SAMD3: variants seen among roughly 807,000 people sequenced by gnomAD.
SAMD3 encodes sterile alpha motif domain containing 3.
Under a neutral mutation model 58.5 loss-of-function variants are expected in SAMD3, and 63 were observed. The ratio of observed to expected loss-of-function variants is 1.08; its 90% CI spans 0.88 to 1.33. SAMD3 has a LOEUF of 1.33. SAMD3 is among the 40% of genes most tolerant of loss of function. The pLI, the probability that SAMD3 is intolerant of heterozygous loss-of-function variation, is 0.00. For missense variants in SAMD3, 604 were observed against 608.4 expected (o/e 0.99, Z 0.08); for synonymous variants, 220 against 210.3 (o/e 1.05, Z -0.40).
At chr6:130,154,445 G>A (rs1325059394) in intron 9 of SAMD3, among the ~76,000 whole-genome samples, 1 of 151,682 alleles carries the variant, frequency 6.6e-6, no homozygotes, top group African/African-American at 2.4e-5. Flanking sequence ...TGTAATCCCA[G>A]CACTTTGAGA....
At chr6:130,171,590 C>A (rs9492473) in intron 8 of SAMD3, among the ~76,000 whole-genome samples, 2 of 152,026 alleles carry the variant, frequency 1.3e-5, no homozygotes, top group African/African-American at 4.8e-5. Context: ...TTATGATTTC[C>A]ATTCTTTTAC....
chr6:130,183,533 C>T (rs578008128), intron 7 of SAMD3: 14 of 393,950 alleles, frequency 3.6e-5, no homozygotes, highest in South Asian at 2.4e-4. Flanking sequence ...CAGGTGCAGC[C>T]ATGTCTTTCT....
intron 2 of SAMD3, among the ~76,000 whole-genome samples, chr6:130,311,388 C>T (rs1776153578): frequency 6.6e-6 from 1 of 152,160 alleles, no homozygotes; most frequent in Admixed American, 6.5e-5. Flanking sequence ...TTCCTCCAGC[C>T]TACTGCTCCC....
chr6:130,358,708 G>A (rs146241228), intron 1 of SAMD3, among the ~76,000 whole-genome samples: 2,917 of 148,772 alleles, frequency 0.02, 91 homozygotes, highest in African/African-American at 0.068. Flanking sequence ...ATATTTTTGT[G>A]TATATCCCAC....
intron 2 of SAMD3, among the ~76,000 whole-genome samples, chr6:130,299,673 T>A (rs929066179): frequency 4.6e-5 from 7 of 152,024 alleles, no homozygotes; most frequent in African/African-American, 1.7e-4. Context: ...AAACAAGAAG[T>A]TGGTTTTTTG....
In SAMD3 at chr6:130,187,376, T is replaced by G. The variant is rs537038773; in HGVS notation, c.384-2753A>C. On this transcript the variant is annotated intron_variant, in intron 5 of 11. Transcript: ENST00000439090. ...TATTATTTCTATCAAACATCCACAATGTAGCTAGACATATAAAGGATCCAA... is the reference window on the plus strand; with the variant it reads ...TATTATTTCTATCAAACATCCACAAGGTAGCTAGACATATAAAGGATCCAA... 1.4e-3 allele frequency among the ~76,000 whole-genome samples: 215 copies of G among 152,208 alleles called. 2 individuals are homozygous for G. Among genetic ancestry groups the G allele is most frequent in the East Asian group, 2.1e-3 (11 of 5,176 alleles).
chr6:130,356,801 T>C (rs1276508257), intron 1 of SAMD3, among the ~76,000 whole-genome samples: 1 of 152,202 alleles, frequency 6.6e-6, no homozygotes, highest in Admixed American at 6.5e-5. Context: ...CCCATTTCTA[T>C]GAAGAAGTCA....
intron 8 of SAMD3, chr6:130,161,614 A>G (rs1790288871): frequency 6.6e-6 from 1 of 152,206 alleles, no homozygotes; most frequent in African/African-American, 2.4e-5. Flanking sequence ...ACATATTGTT[A>G]GATTTATATA....
intron 1 of SAMD3, among the ~76,000 whole-genome samples, chr6:130,358,753 ACACACAC>A (rs1777905000): frequency 6.6e-6 from 1 of 150,728 alleles, no homozygotes; most frequent in African/African-American, 2.5e-5. Flanking sequence ...ACACACACAC[ACACACAC>A]ATTTTAACAA....
chr6:130,209,609 C>T lies in SAMD3; in HGVS notation c.270-1G>A, dbSNP rs1466722149. ...ACTGGAGGACTCTTCATCCCTGTAA[C>T]TAAGAAAGAAGAGGTGGGTCAGGCA... On this transcript the variant is annotated splice_acceptor_variant, in intron 4 of 11. Coordinates refer to ENST00000439090, the MANE Select transcript of SAMD3 (RefSeq NM_001017373.4). LOFTEE classifies it high-confidence loss of function. 2 of 1,596,932 alleles carry T rather than the reference C, an allele frequency of 1.3e-6. No individual in the cohort carries two copies.
rs149112484 is a variant in SAMD3 at position 130,320,409 on chromosome 6, T to A, written c.-303-7316A>T. Among the ~76,000 whole-genome samples, 56 of 152,290 alleles carry A rather than the reference T, an allele frequency of 3.7e-4. 1 individual carries two copies. Among genetic ancestry groups the A allele is most frequent in the Middle Eastern group, 3.4e-3 (1 of 294 alleles). On this transcript the variant is annotated intron_variant, in intron 1 of 13. Transcript: ENST00000368134. ...TTAAAAATCAAATGTTGGGGGAGAATGTGGAGCAACTGGAATTCTCACACA... is the reference window on the plus strand; with the variant it reads ...TTAAAAATCAAATGTTGGGGGAGAAAGTGGAGCAACTGGAATTCTCACACA...
chr6:130,251,255 G>A (rs1380548041), intron 2 of SAMD3, among the ~76,000 whole-genome samples: 1 of 152,078 alleles, frequency 6.6e-6, no homozygotes, highest in African/African-American at 2.4e-5. Context: ...TAAACTCTTT[G>A]CCCTTTTAAA....
chr6:130,275,375 C>T (rs1005437176), intron 2 of SAMD3, among the ~76,000 whole-genome samples: 3 of 152,172 alleles, frequency 2.0e-5, no homozygotes, highest in Non-Finnish European at 2.9e-5. Context: ...ACCTTTTTAC[C>T]TTGTCAGCTC....
rs75826199 is a variant in SAMD3, at chr6:130,242,853, G to A, written c.-187-20040C>T. 4.0e-3 allele frequency among the ~76,000 whole-genome samples: 609 copies of A among 152,282 alleles called. 5 individuals are homozygous for A. The highest frequency in any genetic ancestry group is 0.013 in the African/African-American group (553 of 41,548). ...CACAGTTAGCTCTGGTGGCTGAGCC[G>A]GCATCCCTTTGATAGCTGGAGTCAG... On this transcript the variant is annotated intron_variant, in intron 2 of 13. Coordinates refer to the SAMD3 transcript ENST00000368134.
chr6:130,282,908 A>T (rs1005371546), intron 2 of SAMD3, among the ~76,000 whole-genome samples: 2 of 152,206 alleles, frequency 1.3e-5, no homozygotes, highest in African/African-American at 2.4e-5. Flanking sequence ...CCCTCAACAG[A>T]TGCTATTCAG....
At chr6:130,327,840 G>A (rs1355805) in intron 1 of SAMD3, among the ~76,000 whole-genome samples, 8 of 152,172 alleles carry the variant, frequency 5.3e-5, no homozygotes, top group African/African-American at 1.4e-4. Flanking sequence ...TATTATGACT[G>A]ATGAAACCTA....
At chr6:130,181,131 G>C (rs560641295) in intron 7 of SAMD3, among the ~76,000 whole-genome samples, 2 of 151,850 alleles carry the variant, frequency 1.3e-5, no homozygotes, top group Admixed American at 6.6e-5. Flanking sequence ...ATTTTTAGTA[G>C]AGAGAGAGTT....
chr6:130,241,455 C>T (rs974867245), intron 2 of SAMD3, among the ~76,000 whole-genome samples: 1 of 152,126 alleles, frequency 6.6e-6, no homozygotes, highest in Non-Finnish European at 1.5e-5. Flanking sequence ...ACCTTATGAT[C>T]CACCTGCCTT....
intron 1 of SAMD3, among the ~76,000 whole-genome samples, chr6:130,350,373 G>T (rs1777614142): frequency 6.6e-6 from 1 of 152,090 alleles, no homozygotes; most frequent in Admixed American, 6.5e-5. Flanking sequence ...CTTCAGCAAA[G>T]TCTCAGGATA....
Sources: allele counts gnomAD v4.1 joint callset (sites outside exome capture counted in the v4.1 genomes callset), GRCh38; gene constraint gnomAD v4.1.1; transcripts MANE v1.5; gene names NCBI Gene and HGNC (gene_info 2026-07-23, HGNC 2026-07-21).